The following COL4A4 variants were observed in gnomAD, a reference collection of about 807,000 sequenced individuals.
COL4A4 encodes the protein collagen type IV alpha 4 chain, also known as collagen alpha-4(IV) chain.
COL4A4 carries 105 observed loss-of-function variants against 192.9 expected under a neutral mutation model. The ratio of observed to expected loss-of-function variants is 0.54; its 90% confidence interval spans 0.46 to 0.64. The LOEUF (loss-of-function observed/expected upper bound fraction) is 0.64, where lower values mean the gene tolerates loss of function less well. COL4A4 is among the 30% of genes least tolerant of loss of function. COL4A4 has a pLI of 0.00. For synonymous variants in COL4A4, 762 were observed against 769.9 expected, an observed-to-expected ratio of 0.99 and a Z score of 0.17; for missense variants, 1,967 against 2,169.3, an observed-to-expected ratio of 0.91 and a Z score of 1.85.
At chr2:227,132,561 A>T in intron 4 of COL4A4, among the ~76,000 whole-genome samples, 1 of 152,204 alleles carries the variant, frequency 6.6e-6, no homozygotes. Flanking sequence ...AGATCTCTTG[A>T]GGCCAGGAAT....
At chr2:227,079,119 C>T (rs550861558) in intron 24 of COL4A4, among the ~76,000 whole-genome samples, 7 of 152,304 alleles carry the variant, frequency 4.6e-5, no homozygotes, top group African/African-American at 1.4e-4. Flanking sequence ...TTGCACCCCA[C>T]CTGACTGAAC....
chr2:227,075,154 G>A (rs1266645068), intron 25 of COL4A4, among the ~76,000 whole-genome samples: 1 of 152,122 alleles, frequency 6.6e-6, no homozygotes, highest in Non-Finnish European at 1.5e-5. Context: ...CTCATTTTAT[G>A]AGGCCAGCAT....
intron 44 of COL4A4, among the ~76,000 whole-genome samples, chr2:227,021,586 G>T (rs1966014318): frequency 6.6e-6 from 1 of 152,156 alleles, no homozygotes; most frequent in Admixed American, 6.5e-5. Context: ...AGCACTTTGG[G>T]AGGCTGAGGC....
At chr2:227,158,994 A>G (rs1247549789) in intron 1 of COL4A4, among the ~76,000 whole-genome samples, 2 of 152,220 alleles carry the variant, frequency 1.3e-5, no homozygotes, top group African/African-American at 2.4e-5. Flanking sequence ...CATGCCCACA[A>G]AAAGACTTGT....
chr2:227,124,869 TTA>T, intron 4 of COL4A4, among the ~76,000 whole-genome samples: 1 of 152,390 alleles, frequency 6.6e-6, no homozygotes, highest in South Asian at 2.1e-4. Flanking sequence ...AGTTTGGGAA[TTA>T]TCTTTTCATC....
At chr2:227,103,266 G>A (rs1265033675) in intron 13 of COL4A4, 69 bp from the exon 14 acceptor site, 14 of 1,190,720 alleles carry the variant, frequency 1.2e-5, no homozygotes, top group Admixed American at 3.8e-5. Flanking sequence ...ATCTCCTTCA[G>A]AAATCATCTC....
intron 7 of COL4A4, among the ~76,000 whole-genome samples, chr2:227,118,236 G>C (rs1200369279): frequency 6.6e-6 from 1 of 152,092 alleles, no homozygotes; most frequent in Non-Finnish European, 1.5e-5. Context: ...ATCCCTTTCT[G>C]TTCAAAATAC....
chr2:227,065,177 G>A (rs1443083966), intron 25 of COL4A4, among the ~76,000 whole-genome samples: 2 of 152,194 alleles, frequency 1.3e-5, no homozygotes, highest in East Asian at 1.9e-4. Context: ...GCGCTTTTCC[G>A]ACGGGCTTAA....
chr2:227,077,364 T>C (rs58261427), intron 25 of COL4A4, among the ~76,000 whole-genome samples: 38,667 of 152,044 alleles, frequency 0.25, 5,623 homozygotes, highest in African/African-American at 0.4. Context: ...AGCTGGAAGC[T>C]ATCAATCTCA....
chr2:227,161,755 G>C (rs570011888), intron 1 of COL4A4, among the ~76,000 whole-genome samples: 2 of 152,248 alleles, frequency 1.3e-5, no homozygotes, highest in East Asian at 3.9e-4. Flanking sequence ...AGCTCCCAGG[G>C]AGGCCAATGC....
chr2:227,043,156 G>A lies in COL4A4; in HGVS notation c.3318C>T (p.Gly1106=). 7 of 1,614,130 alleles carry A rather than the reference G, an allele frequency of 4.3e-6. No homozygotes were observed. Among genetic ancestry groups the A allele is most frequent in the South Asian group, 1.1e-5 (1 of 91,078 alleles). The change falls in exon 36 of 48, where the codon GGC becomes GGT. Residue 1106 remains glycine, a synonymous_variant. Transcript: ENST00000396625. ...CTCTGGGCCCTTGAATACCAGGCAA[G>A]CCCTGCTCTCCGGATGCTCCAAAAT... ...PGHFGASGEQ[G]LPGIQGPRGS... is the part of the protein sequence containing the mutation.
chr2:227,088,920 C>T (rs538095728), intron 21 of COL4A4, 104 bp from the exon 22 acceptor site: 41 of 1,338,694 alleles, frequency 3.1e-5, no homozygotes, highest in Middle Eastern at 2.1e-4. Flanking sequence ...ACAAAGAGTC[C>T]GATATGCACT....
chr2:227,089,912 C>T lies in COL4A4; in HGVS notation c.1415G>A (p.Gly472Asp), dbSNP rs1280731376. 1.2e-6 allele frequency: 2 copies of T among 1,613,670 alleles called. No individual in the cohort carries two copies. The highest frequency in any genetic ancestry group is 8.5e-7 in the Non-Finnish European group (1 of 1,179,754). Residue 472 changes from glycine (G) to aspartate (D), a missense_variant, in exon 21 of 48, where the codon GGC becomes GAC. By Grantham distance (94) the Gly-to-Asp change is moderately conservative. Transcript: ENST00000396625. ...VGNPGPQGIK[G>D]KVGPPGGRGP... ...TCTTCCTCCTGGGGGACCAACTTTG[C>T]CTTTTATTCCTTGTGGTCCGGGGTT...
chr2:227,070,875 T>TAATAAATA (rs146033855), intron 25 of COL4A4, among the ~76,000 whole-genome samples: 10,876 of 149,738 alleles, frequency 0.073, 436 homozygotes, highest in East Asian at 0.18. Flanking sequence ...TAAAGTATAA[T>TAATAAATA]AATAAATAAA....
At chr2:227,060,370 G>C (rs1976647205) in intron 26 of COL4A4, 127 bp from the exon 27 acceptor site, 1 of 687,816 alleles carries the variant, frequency 1.5e-6, no homozygotes, top group African/African-American at 1.8e-5. Context: ...AAGTAAGGAT[G>C]TTGCCTATCC....
At chr2:227,102,163 C>T (rs533519712) in intron 15 of COL4A4, among the ~76,000 whole-genome samples, 175 of 152,270 alleles carry the variant, frequency 1.1e-3, no homozygotes, top group African/African-American at 4.0e-3. Flanking sequence ...TTTTTGTTGT[C>T]GTTGCTTTTC....
the COL4A4 span, among the ~76,000 whole-genome samples, chr2:226,972,519 C>T: frequency 2.0e-5 from 3 of 152,160 alleles, no homozygotes; most frequent in East Asian, 1.9e-4. Flanking sequence ...CATCTGGACT[C>T]CCAGGGTCAC....
chr2:227,034,266 C>T (rs1368439879), intron 37 of COL4A4, among the ~76,000 whole-genome samples: 1 of 152,192 alleles, frequency 6.6e-6, no homozygotes, highest in African/African-American at 2.4e-5. Context: ...GGTTTTTTAT[C>T]AACGTATGTT....
chr2:227,010,246 G>A, intron 46 of COL4A4, 67 bp downstream of exon 46: 2 of 1,507,080 alleles, frequency 1.3e-6, no homozygotes, highest in Non-Finnish European at 1.8e-6. Flanking sequence ...AGGTGCTGAT[G>A]AATCAGTAAA....
Sources: gnomAD v4.1 joint callset for allele counts (sites outside exome capture counted in the v4.1 genomes callset) on GRCh38, gnomAD v4.1.1 for gene constraint, MANE v1.5 for transcripts, NCBI Gene and HGNC (gene_info 2026-07-23, HGNC 2026-07-21) for gene names.